The following DDX4 variants were observed in gnomAD, a reference collection of about 807,000 sequenced individuals.
DDX4 encodes probable ATP-dependent RNA helicase DDX4.
DDX4 carries 25 observed loss-of-function variants against 100.0 expected under a neutral mutation model. That is an observed-to-expected ratio of 0.25 (90% CI 0.18 to 0.35). The LOEUF (loss-of-function observed/expected upper bound fraction) is 0.35. Among genes scored for constraint, DDX4 ranks in the 10% least tolerant of loss-of-function variants. DDX4 has a pLI of 1.00. For synonymous variants in DDX4, 259 were observed against 275.7 expected, an observed-to-expected ratio of 0.94 and a Z score of 0.60; for missense variants, 635 against 882.4, an observed-to-expected ratio of 0.72 and a Z score of 3.55.
chr5:55,803,706 T>A (rs1465913042), intron 18 of DDX4, among the ~76,000 whole-genome samples: 2 of 152,124 alleles, frequency 1.3e-5, no homozygotes, highest in Non-Finnish European at 2.9e-5. Context: ...TGTGCCACAT[T>A]TTCTTAATCC....
intron 7 of DDX4, 51 bp downstream of exon 7, chr5:55,767,991 T>G: frequency 2.0e-6 from 3 of 1,498,276 alleles, no homozygotes; most frequent in Non-Finnish European, 2.8e-6. Context: ...GACACTAAAC[T>G]GGTAAAACTG....
chr5:55,814,504 C>A (rs75952659), intron 19 of DDX4, among the ~76,000 whole-genome samples: 1 of 125,974 alleles, frequency 7.9e-6, no homozygotes, highest in Non-Finnish European at 1.6e-5. Flanking sequence ...TGCTGCTATT[C>A]TTTTTTTTTT....
intron 5 of DDX4, among the ~76,000 whole-genome samples, chr5:55,763,501 A>C (rs1580537110): frequency 6.6e-6 from 1 of 152,266 alleles, no homozygotes; most frequent in East Asian, 1.9e-4. Context: ...GAGATGCATA[A>C]CTCTTAGACA....
chr5:55,740,456 G>A lies in DDX4; in HGVS notation c.69+1424G>A, dbSNP rs185113688. Among the ~76,000 whole-genome samples the A allele has an allele frequency of 9.9e-4, 150 of 151,292 alleles. 1 individual carries two copies. The highest frequency in any genetic ancestry group is 3.3e-3 in the African/African-American group (138 of 41,230). On this transcript the variant is annotated intron_variant, in intron 2 of 21. Transcript: ENST00000505374. Reference sequence around the variant, plus strand: ...TGCTGGATTACAGTCATGAGCCACCGTGCCCAGCCCAAACATGTTTTATAT... The same window carrying A: ...TGCTGGATTACAGTCATGAGCCACCATGCCCAGCCCAAACATGTTTTATAT...
intron 18 of DDX4, among the ~76,000 whole-genome samples, chr5:55,803,227 C>T (rs1198670571): frequency 6.6e-6 from 1 of 151,296 alleles, no homozygotes; most frequent in Non-Finnish European, 1.5e-5. Flanking sequence ...CAATAGTTTG[C>T]TGAGAATGAT....
At chr5:55,748,722 T>G (rs1759378787) in intron 3 of DDX4, among the ~76,000 whole-genome samples, 4 of 152,142 alleles carry the variant, frequency 2.6e-5, no homozygotes, top group Admixed American at 2.6e-4. Flanking sequence ...TAAATATGCT[T>G]ATTGTTTTAA....
At chr5:55,751,606 T>C (rs1480870227) in intron 3 of DDX4, among the ~76,000 whole-genome samples, 1 of 152,244 alleles carries the variant, frequency 6.6e-6, no homozygotes, top group African/African-American at 2.4e-5. Context: ...TTTCTACTTT[T>C]GTAAGTTGCC....
Position 55,812,609 on chromosome 5 carries a change from A to G in DDX4, c.1616-1064A>G, listed in dbSNP as rs374681080. 2.0e-5 allele frequency among the ~76,000 whole-genome samples: 3 copies of G among 152,048 alleles called. No homozygotes were observed. In the East Asian group the frequency reaches 5.8e-4, roughly 29 times the overall value. On this transcript the variant is annotated intron_variant, in intron 18 of 21. Transcript: ENST00000505374. ...CTGCGTCTCAAAAAAAAAAAAATGCATTTCTCAGAGGCTTAGACTTGTCTT... is the reference window on the plus strand; with the variant it reads ...CTGCGTCTCAAAAAAAAAAAAATGCGTTTCTCAGAGGCTTAGACTTGTCTT...
At chr5:55,812,333 G>A (rs1234766290) in intron 18 of DDX4, among the ~76,000 whole-genome samples, 5 of 152,076 alleles carry the variant, frequency 3.3e-5, no homozygotes, top group African/African-American at 7.2e-5. Flanking sequence ...AGGCCGAGGC[G>A]GGCGGATCAC....
chr5:55,790,138 C>CTT lies in DDX4; in HGVS notation c.1173-415_1173-414dup, dbSNP rs35365600. Among the ~76,000 whole-genome samples the CTT allele has an allele frequency of 9.8e-3, 1,004 of 102,026 alleles. 12 individuals carry two copies. The highest frequency in any genetic ancestry group is 0.034 in the East Asian group (94 of 2,786). 66.9% of individuals were successfully genotyped at this position (102,026 alleles called of 152,430 possible). A position where few individuals can be genotyped will look rare whatever the true frequency, so the allele number is the denominator to read the frequency against. On this transcript the variant is annotated intron_variant, in intron 15 of 21. Coordinates refer to ENST00000505374, the MANE Select transcript of DDX4 (RefSeq NM_024415.3). ...AAAAAAAAATCAAGTAAAATATCAC[C>CTT]TTTTTTTTTTTTTTTTTTTTTTTTA...
chr5:55,765,107 A>G (rs189304787), intron 6 of DDX4, among the ~76,000 whole-genome samples: 12 of 152,008 alleles, frequency 7.9e-5, no homozygotes, highest in Admixed American at 4.6e-4. Flanking sequence ...ATGAAAACAT[A>G]TATGATGTAG....
At chr5:55,802,929 T>C (rs1743413617) in intron 18 of DDX4, among the ~76,000 whole-genome samples, 1 of 151,690 alleles carries the variant, frequency 6.6e-6, no homozygotes, top group Non-Finnish European at 1.5e-5. Flanking sequence ...TTAAGCTTAT[T>C]TTCTTTCTTT....
intron 18 of DDX4, among the ~76,000 whole-genome samples, chr5:55,798,854 A>G (rs1305497738): frequency 6.6e-6 from 1 of 152,218 alleles, no homozygotes; most frequent in African/African-American, 2.4e-5. Context: ...AGGAAACTAG[A>G]AAGGCTTAGT....
intron 10 of DDX4, among the ~76,000 whole-genome samples, chr5:55,783,591 T>G (rs1021152795): frequency 2.6e-5 from 4 of 152,030 alleles, no homozygotes; most frequent in Middle Eastern, 6.8e-3. Flanking sequence ...TGTATATTAG[T>G]TAGGGTTCTC....
At chr5:55,781,811 G>T in intron 9 of DDX4, 123 bp from the exon 10 acceptor site, 6 of 912,370 alleles carry the variant, frequency 6.6e-6, no homozygotes, top group Non-Finnish European at 6.5e-6. Flanking sequence ...ATTAAGAGAT[G>T]GATGGGTTAA....
chr5:55,742,507 A>G (rs1473336758), intron 2 of DDX4, among the ~76,000 whole-genome samples: 1 of 152,234 alleles, frequency 6.6e-6, no homozygotes, highest in Non-Finnish European at 1.5e-5. Flanking sequence ...AAATAAACAT[A>G]TATATGATAT....
intron 17 of DDX4, among the ~76,000 whole-genome samples, chr5:55,796,781 G>T (rs2112090276): frequency 7.0e-6 from 1 of 142,660 alleles, no homozygotes; most frequent in South Asian, 2.4e-4. Context: ...CCTAGATCAA[G>T]CTTCAAACTT....
rs111354975 is a variant in DDX4 at position 55,740,508 on chromosome 5, A to ATT, written c.69+1490_69+1491dup. Among the ~76,000 whole-genome samples, 394 of 132,830 alleles carry ATT rather than the reference A, an allele frequency of 3.0e-3. 5 individuals carry two copies. Among genetic ancestry groups the ATT allele is most frequent in the African/African-American group, 0.011 (383 of 36,270 alleles). 87.1% of individuals were successfully genotyped at this position (132,830 alleles called of 152,430 possible). Reference sequence around the variant, plus strand: ...GTTTTGATGATAGTATATAACAGTAATTTTTTTTTTTTTTTGAGATGGAGT... The same window carrying ATT: ...GTTTTGATGATAGTATATAACAGTAATTTTTTTTTTTTTTTTTGAGATGGAGT... On this transcript the variant is annotated intron_variant, in intron 2 of 21. Coordinates refer to ENST00000505374, the MANE Select transcript of DDX4 (RefSeq NM_024415.3).
At chr5:55,759,394 G>A (rs778945400) in intron 3 of DDX4, among the ~76,000 whole-genome samples, 11 of 151,372 alleles carry the variant, frequency 7.3e-5, no homozygotes, top group Admixed American at 2.0e-4. Context: ...TTAAAAATAC[G>A]TCACCAAATG....
Sources: gnomAD v4.1 joint callset for allele counts (sites outside exome capture counted in the v4.1 genomes callset) on GRCh38, gnomAD v4.1.1 for gene constraint, MANE v1.5 for transcripts, NCBI Gene and HGNC (gene_info 2026-07-23, HGNC 2026-07-21) for gene names.